The following AK5 variants were observed in gnomAD, a reference collection of about 807,000 sequenced individuals.
The protein encoded by AK5 is adenylate kinase isoenzyme 5.
AK5 carries 27 observed loss-of-function variants against 69.5 expected under a neutral mutation model. The ratio of observed to expected loss-of-function variants is 0.39; its 90% CI spans 0.29 to 0.54. The LOEUF (loss-of-function observed/expected upper bound fraction) is 0.54. Ranked by LOEUF, AK5 falls within the 20% of genes least tolerant of loss-of-function variation. AK5 has a pLI of 0.71. For synonymous variants in AK5, 260 were observed against 244.4 expected (o/e 1.06, Z -0.60); for missense variants, 531 against 700.4 (o/e 0.76, Z 2.73).
rs752686963 is a variant in AK5, at chr1:77,558,707, A to G, written c.*37A>G. The G allele has an allele frequency of 1.0e-5, 14 of 1,402,336 alleles. 1 individual carries two copies. In the South Asian group the frequency reaches 1.7e-4, roughly 17 times the overall value. The allele number at this position is 1,402,336 out of a possible 1,614,324, so 86.9% of individuals were successfully genotyped here. A position where few individuals can be genotyped will look rare whatever the true frequency, so the allele number is the denominator to read the frequency against. On this transcript the variant is annotated 3_prime_UTR_variant, in exon 14 of 14. Coordinates refer to ENST00000354567, the MANE Select transcript of AK5 (RefSeq NM_174858.3). ...CATGTTTGTTAGAATGGAAACAGAA[A>G]AACATTAAAAAGTTCATTCCTTAAC... is the stretch of plus-strand genomic sequence containing the variant.
intron 2 of AK5, 119 bp downstream of exon 2, chr1:77,287,246 G>T: frequency 1.6e-6 from 1 of 641,128 alleles, no homozygotes; most frequent in South Asian, 8.2e-5. Context: ...TGAAGTCATT[G>T]GATCACGATT....
chr1:77,388,580 T>C (rs886804934), intron 6 of AK5, among the ~76,000 whole-genome samples: 1 of 151,970 alleles, frequency 6.6e-6, no homozygotes, highest in Non-Finnish European at 1.5e-5. Flanking sequence ...GTTGTTGTTG[T>C]TGTTGTTGTT....
chr1:77,301,456 C>T (rs1040860502), intron 5 of AK5, among the ~76,000 whole-genome samples: 1 of 152,188 alleles, frequency 6.6e-6, no homozygotes, highest in African/African-American at 2.4e-5. Flanking sequence ...AGGTGCCTGG[C>T]AGCAATGCTA....
intron 8 of AK5, among the ~76,000 whole-genome samples, chr1:77,446,800 A>G: frequency 6.6e-6 from 1 of 152,220 alleles, no homozygotes. Context: ...GCCGATTTAA[A>G]ATTAAAATGT....
chr1:77,470,842 TATATATATATATATATATATATATA>T (rs1557615432), intron 8 of AK5, among the ~76,000 whole-genome samples: 14 of 1,052 alleles, frequency 0.013, no homozygotes, highest in Non-Finnish European at 0.021. Flanking sequence ...TATATATATA[TATATATATATATATATATATATATA>T]TATATATATT....
At chr1:77,337,573 G>A (rs933910591) in intron 5 of AK5, among the ~76,000 whole-genome samples, 3 of 152,022 alleles carry the variant, frequency 2.0e-5, no homozygotes, top group African/African-American at 7.2e-5. Flanking sequence ...TGGTAATTAT[G>A]TTAACTATGA....
At chr1:77,429,477 G>A (rs907862228) in intron 8 of AK5, among the ~76,000 whole-genome samples, 21 of 152,178 alleles carry the variant, frequency 1.4e-4, no homozygotes, top group Admixed American at 6.5e-4. Flanking sequence ...CAATGTGCCA[G>A]ACTCTATATG....
At chr1:77,378,211 A>G (rs1474804166) in intron 6 of AK5, among the ~76,000 whole-genome samples, 1 of 152,184 alleles carries the variant, frequency 6.6e-6, no homozygotes, top group East Asian at 1.9e-4. Flanking sequence ...AGTCTTGAAT[A>G]CCCATTTGAA....
chr1:77,351,454 G>A (rs986630778), intron 6 of AK5, among the ~76,000 whole-genome samples: 3 of 152,182 alleles, frequency 2.0e-5, no homozygotes, highest in African/African-American at 4.8e-5. Context: ...TATTTGATGT[G>A]TGTAAAAATA....
intron 6 of AK5, among the ~76,000 whole-genome samples, chr1:77,354,491 A>T (rs1190241332): frequency 6.6e-6 from 1 of 152,210 alleles, no homozygotes. Flanking sequence ...TCAGTAGTCC[A>T]CTTAGTAGGG....
At chr1:77,351,801 TAGA>T (rs1235355904) in intron 6 of AK5, among the ~76,000 whole-genome samples, 1 of 151,994 alleles carries the variant, frequency 6.6e-6, no homozygotes, top group Admixed American at 6.6e-5. Context: ...ACCTCTGATG[TAGA>T]AGAAGACAAA....
At chr1:77,370,512 T>C (rs1487426757) in intron 6 of AK5, among the ~76,000 whole-genome samples, 1 of 152,204 alleles carries the variant, frequency 6.6e-6, no homozygotes, top group African/African-American at 2.4e-5. Context: ...ATCCACCACA[T>C]TTTAATGAAA....
At chr1:77,356,812 G>A (rs1374078416) in intron 6 of AK5, among the ~76,000 whole-genome samples, 1 of 152,170 alleles carries the variant, frequency 6.6e-6, no homozygotes, top group Non-Finnish European at 1.5e-5. Flanking sequence ...TCTGACAAGA[G>A]AGAAATTCCC....
chr1:77,429,412 G>A (rs1651442402), intron 8 of AK5, among the ~76,000 whole-genome samples: 1 of 152,156 alleles, frequency 6.6e-6, no homozygotes, highest in Non-Finnish European at 1.5e-5. Flanking sequence ...TTTGAGAAGT[G>A]TCTGTTCATA....
At chr1:77,296,144 C>G (rs1658989034) in intron 3 of AK5, among the ~76,000 whole-genome samples, 1 of 152,138 alleles carries the variant, frequency 6.6e-6, no homozygotes, top group South Asian at 2.1e-4. Context: ...CTGAACCTTA[C>G]AAATTTGTAT....
chr1:77,417,705 A>G lies in AK5; in HGVS notation c.1049A>G (p.Tyr350Cys). Residue 350 changes from tyrosine to cysteine, a missense_variant, in exon 8 of 14, where the codon TAT becomes TGT. Physicochemically the swap from Tyr to Cys is radical, Grantham distance 194 (BLOSUM62 -2). Coordinates refer to ENST00000354567, the MANE Select transcript of AK5 (RefSeq NM_174858.3). ...TGEIIDTGSD[Y>C]EDQGDDQLNV... The stretch of plus-strand genomic sequence containing the variant: ...GAGATCATTGATACAGGATCTGATT[A>G]TGAAGATCAGGTAATTAAAATCTGA... 6.3e-7 allele frequency: 1 copy of G among 1,594,356 alleles called. No homozygotes were observed. The highest frequency in any genetic ancestry group is 8.6e-7 in the Non-Finnish European group (1 of 1,164,380).
intron 13 of AK5, chr1:77,540,788 C>A (rs1219351639): frequency 6.6e-6 from 1 of 152,320 alleles, no homozygotes; most frequent in South Asian, 2.1e-4. Context: ...AAAAGTAACA[C>A]ATACTTGCTT....
intron 13 of AK5, 131 bp from the exon 14 acceptor site, chr1:77,558,469 CTG>C (rs1660241290): frequency 5.8e-6 from 3 of 516,512 alleles, no homozygotes; most frequent in Non-Finnish European, 1.0e-5. Flanking sequence ...ACTTTTTTCT[CTG>C]TGTTTTGGGG....
chr1:77,332,531 G>A (rs1661142449), intron 5 of AK5, among the ~76,000 whole-genome samples: 1 of 149,962 alleles, frequency 6.7e-6, no homozygotes, highest in Non-Finnish European at 1.5e-5. Flanking sequence ...TTCAACCCAG[G>A]AAATATATTA....
Sources: gnomAD v4.1 joint callset for allele counts (sites outside exome capture counted in the v4.1 genomes callset) on GRCh38, gnomAD v4.1.1 for gene constraint, MANE v1.5 for transcripts, NCBI Gene and HGNC (gene_info 2026-07-23, HGNC 2026-07-21) for gene names.